EMSY: variants seen among roughly 807,000 people sequenced by gnomAD.
EMSY encodes the protein EMSY transcriptional repressor, BRCA2 interacting.
A neutral mutation model predicts 134.6 loss-of-function variants in EMSY; 26 were observed. That is an observed-to-expected ratio of 0.19 (90% CI 0.14 to 0.27). The LOEUF (loss-of-function observed/expected upper bound fraction) is 0.27, where lower values mean the gene tolerates loss of function less well. EMSY is among the 10% of genes least tolerant of loss of function. The probability of loss-of-function intolerance (pLI) is 1.00; values close to 1 mark genes in which losing one functional copy is unlikely to be tolerated. For missense variants in EMSY, 1,305 were observed against 1,611.4 expected (o/e 0.81, Z 3.26); for synonymous variants, 579 against 577.8 (o/e 1.00, Z -0.03).
At chr11:76,549,986 G>T in exon 21 of EMSY, 1 of 1,613,124 alleles carries the variant, frequency 6.2e-7, no homozygotes, top group South Asian at 1.1e-5. Context: ...TGTCACTCCA[G>T]CTCCAATGTG....
At chr11:76,543,565 A>C (rs746494572) in intron 18 of EMSY, among the ~76,000 whole-genome samples, 37 of 152,130 alleles carry the variant, frequency 2.4e-4, no homozygotes, top group Non-Finnish European at 5.1e-4. Flanking sequence ...ACTCAAGATG[A>C]TGCCTCCTCA....
intron 7 of EMSY, 23 bp from the exon 9 acceptor site, chr11:76,472,541 A>G (rs772566883): frequency 6.2e-7 from 1 of 1,601,954 alleles, no homozygotes; most frequent in Non-Finnish European, 8.5e-7. Flanking sequence ...GTACATAAAA[A>G]TAACTTATTT....
At chr11:76,505,691 A>G (rs540161211) in intron 9 of EMSY, among the ~76,000 whole-genome samples, 13 of 151,710 alleles carry the variant, frequency 8.6e-5, no homozygotes, top group Admixed American at 7.9e-4. Context: ...CCCCATCTCT[A>G]CTAAAAATAC....
chr11:76,453,482 T>C, intron 4 of EMSY, 94 bp downstream of exon 4: 1 of 1,130,392 alleles, frequency 8.8e-7, no homozygotes, highest in Non-Finnish European at 1.3e-6. Flanking sequence ...TTCCTGAGTC[T>C]TTTAAGTAAC....
chr11:76,495,482 A>C (rs1433073255), intron 8 of EMSY, among the ~76,000 whole-genome samples: 1 of 152,224 alleles, frequency 6.6e-6, no homozygotes, highest in Non-Finnish European at 1.5e-5. Context: ...AGAGGGAAGA[A>C]TATCTGAAAC....
At chr11:76,516,530 T>G in intron 11 of EMSY, 1 of 315,386 alleles carries the variant, frequency 3.2e-6, no homozygotes. Flanking sequence ...GAAAGAACCT[T>G]TAGTTGCTTT....
chr11:76,517,438 T>G (rs1403922329), intron 11 of EMSY, among the ~76,000 whole-genome samples: 1 of 152,206 alleles, frequency 6.6e-6, no homozygotes, highest in Admixed American at 6.5e-5. Context: ...TATCTTTACA[T>G]AGTATAAAGC....
intron 8 of EMSY, among the ~76,000 whole-genome samples, chr11:76,476,386 A>G (rs1948770242): frequency 6.6e-6 from 1 of 152,186 alleles, no homozygotes; most frequent in South Asian, 2.1e-4. Context: ...AATGCATTTT[A>G]TCTTTATTTT....
intron 8 of EMSY, among the ~76,000 whole-genome samples, chr11:76,480,974 G>A (rs1948954713): frequency 6.6e-6 from 1 of 152,222 alleles, no homozygotes. Flanking sequence ...TAGGTTTGAA[G>A]CACAAAACTG....
At chr11:76,540,560 C>A (rs1396215739) in intron 17 of EMSY, among the ~76,000 whole-genome samples, 1 of 152,084 alleles carries the variant, frequency 6.6e-6, no homozygotes, top group Non-Finnish European at 1.5e-5. Context: ...ATATGTATAG[C>A]AACAATAGAA....
At chr11:76,445,649 C>G (rs964299778) in intron 1 of EMSY, among the ~76,000 whole-genome samples, 2 of 152,108 alleles carry the variant, frequency 1.3e-5, no homozygotes, top group Admixed American at 1.3e-4. Flanking sequence ...GAGCGGGCTC[C>G]GGAAACTACT....
intron 15 of EMSY, 68 bp from the exon 17 acceptor site, chr11:76,537,727 G>A (rs1357271645): frequency 7.2e-7 from 1 of 1,396,468 alleles, no homozygotes; most frequent in Non-Finnish European, 9.8e-7. Flanking sequence ...CATTATTCCT[G>A]TGGACAACTC....
intron 12 of EMSY, among the ~76,000 whole-genome samples, chr11:76,524,853 G>A (rs368849684): frequency 1.3e-4 from 20 of 152,112 alleles, no homozygotes; most frequent in South Asian, 2.1e-4. Context: ...GTGAAACTCC[G>A]TATCTACAAA....
chr11:76,466,200 T>C (rs1010097572), intron 7 of EMSY, among the ~76,000 whole-genome samples: 2 of 152,178 alleles, frequency 1.3e-5, no homozygotes, highest in South Asian at 2.1e-4. Context: ...TGGGGGAGAA[T>C]AGCTAGGGAT....
rs755784498 is a variant in EMSY, at chr11:76,526,453, T to G, written c.1822-9T>G. On this transcript the variant is annotated splice_polypyrimidine_tract_variant and intron_variant, in intron 12 of 20. Transcript: ENST00000334736. ...TAAATCTCTTATATAATCATTGACT[T>G]CAATTTAGGGAGAAAAGACTATTCA... The G allele has an allele frequency of 6.3e-7, 1 of 1,586,694 alleles. No individual in the cohort carries two copies. The highest frequency in any genetic ancestry group is 1.9e-5 in the Admixed American group (1 of 54,004).
At chr11:76,522,242 T>C (rs1950666724) in intron 11 of EMSY, among the ~76,000 whole-genome samples, 2 of 150,920 alleles carry the variant, frequency 1.3e-5, no homozygotes, top group African/African-American at 2.4e-5. Flanking sequence ...TAATTGACAA[T>C]ATAAGTTTAT....
At chr11:76,489,608 C>CTTT (rs58914353) in intron 8 of EMSY, among the ~76,000 whole-genome samples, 3 of 141,558 alleles carry the variant, frequency 2.1e-5, no homozygotes, top group Non-Finnish European at 3.0e-5. Flanking sequence ...CTTGATGTAT[C>CTTT]TTTTTTTTTT....
chr11:76,469,710 A>C (rs981592893), intron 7 of EMSY, among the ~76,000 whole-genome samples: 1 of 152,106 alleles, frequency 6.6e-6, no homozygotes, highest in Non-Finnish European at 1.5e-5. Flanking sequence ...TATTATCCCC[A>C]TTTTATAGAT....
chr11:76,498,847 A>G (rs1271151058), intron 9 of EMSY, among the ~76,000 whole-genome samples: 3 of 152,176 alleles, frequency 2.0e-5, no homozygotes, highest in South Asian at 2.1e-4. Flanking sequence ...ATGTTCACAT[A>G]GTGTATTTTT....
Sources: gnomAD v4.1 joint callset for allele counts (sites outside exome capture counted in the v4.1 genomes callset) on GRCh38, gnomAD v4.1.1 for gene constraint, MANE v1.5 for transcripts, NCBI Gene and HGNC (gene_info 2026-07-23, HGNC 2026-07-21) for gene names.